Variants in SNURF observed in about 807,000 individuals in gnomAD.
The protein encoded by SNURF is SNURF protein.
SNURF carries 6 observed loss-of-function variants against 11.6 expected under a neutral mutation model. The observed-to-expected ratio is 0.52, with a 90% CI of 0.28 to 1.02. The LOEUF is 1.02. Ranked by LOEUF, SNURF falls within the 50% of genes least tolerant of loss-of-function variation. The probability of loss-of-function intolerance (pLI) is 0.09; values close to 1 mark genes in which losing one functional copy is unlikely to be tolerated. For missense variants in SNURF, 84 were observed against 88.4 expected (o/e 0.95, Z 0.20); for synonymous variants, 29 against 31.6 (o/e 0.92, Z 0.27).
At chr15:24,975,621 TAGAGCC>T (rs914066711) in intron 4 of SNURF, 37 of 834,484 alleles carry the variant, frequency 4.4e-5, no homozygotes, top group Non-Finnish European at 5.1e-5. Context: ...GAAACTATGG[TAGAGCC>T]AGTCTATTGT....
chr15:24,978,458 C>T, downstream of SNURF: 1 of 1,611,380 alleles, frequency 6.2e-7, no homozygotes, highest in Non-Finnish European at 8.5e-7. Context: ...ACTGTTGATC[C>T]ATCTCAGTCA....
rs955449489 is a variant in SNURF at position 24,955,585 on chromosome 15, C to G, written c.14+523C>G. Among the ~76,000 whole-genome samples, 3 of 129,160 alleles carry G rather than the reference C, an allele frequency of 2.3e-5. No individual in the cohort carries two copies. In the Admixed American group the frequency reaches 2.7e-4, roughly 11 times the overall value. The allele number at this position is 129,160 out of a possible 152,430, so 84.7% of individuals were successfully genotyped here. On this transcript the variant is annotated intron_variant, in intron 1 of 2. Coordinates refer to ENST00000577949, the Ensembl canonical transcript of SNURF. ...TAATAGTGACCACTGCGTGGTGGAG[C>G]AGGGTACGTGGGGCGACTGGGGGGG...
chr15:24,975,105 C>T (rs148863802), intron 3 of SNURF: 3 of 634,192 alleles, frequency 4.7e-6, no homozygotes, highest in African/African-American at 3.6e-5. Flanking sequence ...GAGCATGCAT[C>T]GTCACAGAGA....
intron 1 of SNURF, among the ~76,000 whole-genome samples, chr15:24,957,890 CTTTGGAAAGGCCTCTTGAAGTT>C (rs1249309085): frequency 3.9e-5 from 6 of 152,114 alleles, no homozygotes; most frequent in Non-Finnish European, 5.9e-5. Flanking sequence ...TGGCAGATCC[CTTTGGAAAGGCCTCTTGAAGTT>C]TCAAGGTCTG....
chr15:24,957,121 C>G (rs1035126703), intron 1 of SNURF, among the ~76,000 whole-genome samples: 2 of 152,150 alleles, frequency 1.3e-5, no homozygotes, highest in African/African-American at 4.8e-5. Flanking sequence ...GATTTCCATT[C>G]GACACATTTA....
chr15:24,962,192 C>A (rs2074941455), exon 2 of SNURF: 1 of 1,614,046 alleles, frequency 6.2e-7, no homozygotes, highest in South Asian at 1.1e-5. Context: ...GAAGGACTGC[C>A]TCACTGAGCA....
chr15:24,970,139 G>A (rs2076217504), downstream of SNURF, among the ~76,000 whole-genome samples: 1 of 152,184 alleles, frequency 6.6e-6, no homozygotes, highest in African/African-American at 2.4e-5. Context: ...ACAATCAGAT[G>A]AATTTCTTGG....
At chr15:24,955,412 G>A (rs1476618851) in intron 1 of SNURF, among the ~76,000 whole-genome samples, 7 of 151,966 alleles carry the variant, frequency 4.6e-5, no homozygotes, top group Admixed American at 3.9e-4. Context: ...GGTACATCAG[G>A]GTGATTGCAG....
intron 1 of SNURF, among the ~76,000 whole-genome samples, chr15:24,956,669 C>T (rs749359202): frequency 3.9e-5 from 6 of 152,218 alleles, no homozygotes; most frequent in Non-Finnish European, 5.9e-5. Flanking sequence ...GCTGATACAG[C>T]AGCTGTTCCT....
chr15:24,958,508 T>G (rs1251542299), intron 1 of SNURF, among the ~76,000 whole-genome samples: 1 of 140,024 alleles, frequency 7.1e-6, no homozygotes, highest in Admixed American at 7.2e-5. Flanking sequence ...TTTTTTTTTT[T>G]TTTTTTTTTT....
exon 5 of SNURF, chr15:24,976,374 G>A: frequency 6.2e-7 from 1 of 1,613,300 alleles, no homozygotes; most frequent in Non-Finnish European, 8.5e-7. Flanking sequence ...TGCGTGGGGA[G>A]AACTTGGTAT....
chr15:24,957,868 G>A (rs761331775), intron 1 of SNURF, among the ~76,000 whole-genome samples: 2 of 152,076 alleles, frequency 1.3e-5, no homozygotes, highest in African/African-American at 4.8e-5. Flanking sequence ...ATTCAGGCCC[G>A]GGATCCTAAT....
downstream of SNURF, among the ~76,000 whole-genome samples, chr15:24,973,178 C>A (rs1214429736): frequency 6.6e-6 from 1 of 152,110 alleles, no homozygotes; most frequent in Non-Finnish European, 1.5e-5. Context: ...CGTGAGCCAC[C>A]ACACCCAGCC....
downstream of SNURF, among the ~76,000 whole-genome samples, chr15:24,970,107 C>T (rs957025089): frequency 2.0e-5 from 3 of 152,042 alleles, no homozygotes; most frequent in Admixed American, 6.6e-5. Flanking sequence ...GAAGTATATA[C>T]GAAGTATACA....
intron 3 of SNURF, chr15:24,974,812 G>A (rs1183528528): frequency 4.6e-6 from 3 of 653,376 alleles, no homozygotes; most frequent in South Asian, 1.7e-5. Context: ...ACCCACCTCG[G>A]CCTCCCAAAG....
intron 2 of SNURF, among the ~76,000 whole-genome samples, chr15:24,966,694 G>A (rs2075692309): frequency 6.6e-6 from 1 of 152,124 alleles, no homozygotes; most frequent in South Asian, 2.1e-4. Flanking sequence ...AGGATGTATA[G>A]GTTACTTCCC....
downstream of SNURF, among the ~76,000 whole-genome samples, chr15:24,973,264 A>C (rs1198598171): frequency 6.6e-6 from 1 of 152,184 alleles, no homozygotes; most frequent in Non-Finnish European, 1.5e-5. Context: ...TTTGTAGCCT[A>C]GGATCTACCA....
At chr15:24,967,818 A>G in intron 2 of SNURF, 114 bp from the exon 3 acceptor site, 1 of 925,638 alleles carries the variant, frequency 1.1e-6, no homozygotes, top group Non-Finnish European at 1.6e-6. Context: ...GAAAAAAAAA[A>G]AAAAAAAAAA....
At chr15:24,974,406 A>T in intron 3 of SNURF, 1 of 1,601,274 alleles carries the variant, frequency 6.2e-7, no homozygotes, top group Non-Finnish European at 8.6e-7. Flanking sequence ...AGGTCTTCAG[A>T]AGCATCAAGT....
Sources: gnomAD v4.1 joint callset for allele counts (sites outside exome capture counted in the v4.1 genomes callset) on GRCh38, gnomAD v4.1.1 for gene constraint, MANE v1.5 for transcripts, NCBI Gene and HGNC (gene_info 2026-07-23, HGNC 2026-07-21) for gene names.